FREM3: variants seen among roughly 807,000 people sequenced by gnomAD.
The protein encoded by FREM3 is FRAS1 related extracellular matrix 3.
Under a neutral mutation model 129.1 loss-of-function variants are expected in FREM3, and 105 were observed. The observed-to-expected ratio is 0.81, with a 90% CI of 0.69 to 0.96. The LOEUF (loss-of-function observed/expected upper bound fraction) is 0.96, where lower values mean the gene tolerates loss of function less well. Ranked by LOEUF, FREM3 falls within the 40% of genes least tolerant of loss-of-function variation. FREM3 has a pLI of 0.00. For synonymous variants in FREM3, 1,014 were observed against 1,044.9 expected (o/e 0.97, Z 0.57); for missense variants, 2,593 against 2,666.3 (o/e 0.97, Z 0.61).
Position 143,695,776 on chromosome 4 carries a change from C to T in FREM3, c.4900G>A (p.Val1634Ile), listed in dbSNP as rs1280477114. 1 of 1,537,262 alleles carries T rather than the reference C, an allele frequency of 6.5e-7. No individual in the cohort carries two copies. The highest frequency in any genetic ancestry group is 2.0e-5 in the Admixed American group (1 of 51,002). Residue 1634 changes from valine (V) to isoleucine (I), a missense_variant, in exon 1 of 8, where the codon GTC becomes ATC. By Grantham distance (29) the Val-to-Ile change is conservative. This residue lies in a region of FREM3 where 2,276 missense variants were observed against 2,267.2 expected (regional missense o/e 1.00). Coordinates refer to ENST00000329798, the MANE Select transcript of FREM3 (RefSeq NM_001168235.2). ...VTDGTHTDFYVLPDTALATHK... is the reference protein window; with the variant it reads ...VTDGTHTDFYILPDTALATHK... ...GTCGCCAGGGCAGTGTCTGGTAGGA[C>T]ATAGAAATCAGTGTGAGTGCCGTCT...
chr4:143,677,599 A>T (rs1250894223), intron 2 of FREM3, among the ~76,000 whole-genome samples: 5 of 152,260 alleles, frequency 3.3e-5, no homozygotes, highest in Admixed American at 6.5e-5. Flanking sequence ...CGTCAGAGTG[A>T]ACAGGCAACC....
intron 2 of FREM3, among the ~76,000 whole-genome samples, chr4:143,671,570 T>C (rs985645274): frequency 6.6e-6 from 1 of 152,196 alleles, no homozygotes; most frequent in South Asian, 2.1e-4. Flanking sequence ...AAAACTTTTG[T>C]TTTTTGACTT....
intron 6 of FREM3, among the ~76,000 whole-genome samples, chr4:143,607,575 G>C (rs927299631): frequency 6.6e-6 from 1 of 152,138 alleles, no homozygotes; most frequent in Non-Finnish European, 1.5e-5. Context: ...GTTAGGTTGA[G>C]AATCCTTGAC....
At position 143,699,437 on chromosome 4, in the gene FREM3, GCCGTCT is replaced by G. The variant is rs1560878853; in HGVS notation, c.1233_1238del (p.Asp412_Gly413del). On this transcript the variant is annotated inframe_deletion, in exon 1 of 8. Transcript: ENST00000329798. This position sits in a 1 kb window ranked among gnomAD's most constrained non-coding sequence, Gnocchi z 4.2. ...TGAAGGCAAAGGGGTCTGAGGCGGC[GCCGTCT>G]CCGTCCACCACCTCCAGCTCCAGCT... 1 of 1,537,282 alleles carries G rather than the reference GCCGTCT, an allele frequency of 6.5e-7. No homozygotes were observed. The highest frequency in any genetic ancestry group is 1.2e-5 in the South Asian group (1 of 84,066).
In FREM3 at chr4:143,699,440, G is replaced by C; in HGVS notation, c.1236C>G (p.Asp412Glu). 1.3e-6 allele frequency: 2 copies of C among 1,537,286 alleles called. No individual in the cohort carries two copies. The highest frequency in any genetic ancestry group is 1.7e-6 in the Non-Finnish European group (2 of 1,146,926). ...FQLELEVVDGDGAASDPFAFM... is the reference protein window; with the variant it reads ...FQLELEVVDGEGAASDPFAFM... The stretch of plus-strand genomic sequence containing the variant: ...AGGCAAAGGGGTCTGAGGCGGCGCC[G>C]TCTCCGTCCACCACCTCCAGCTCCA... The change falls in exon 1 of 8, where the codon GAC becomes GAG. Residue 412 changes from aspartate (D) to glutamate (E), a missense_variant. By Grantham distance (45) the Asp-to-Glu change is conservative. This residue lies in a region of FREM3 where 2,276 missense variants were observed against 2,267.2 expected (regional missense o/e 1.00). Transcript: ENST00000329798. This position sits in a 1 kb window ranked among gnomAD's most constrained non-coding sequence, Gnocchi z 4.2.
chr4:143,605,841 T>TAC (rs1738659508), intron 6 of FREM3, among the ~76,000 whole-genome samples: 1 of 152,212 alleles, frequency 6.6e-6, no homozygotes, highest in Non-Finnish European at 1.5e-5. Flanking sequence ...ATTTACTTAC[T>TAC]ACTTCGTAAA....
chr4:143,587,252 T>C (rs548405559), intron 6 of FREM3, among the ~76,000 whole-genome samples: 1 of 152,278 alleles, frequency 6.6e-6, no homozygotes, highest in Middle Eastern at 3.4e-3. Context: ...TAAGACTTTA[T>C]TGATAAAGAG....
chr4:143,659,076 TTTATTATTTTTATTTA>T (rs1377550138), intron 2 of FREM3, among the ~76,000 whole-genome samples: 8 of 112,636 alleles, frequency 7.1e-5, no homozygotes, highest in Non-Finnish European at 1.1e-4. Flanking sequence ...CTTTATTTTA[TTTATTATTTTTATTTA>T]TTATTATTAT....
intron 6 of FREM3, among the ~76,000 whole-genome samples, chr4:143,586,481 A>G (rs1458930108): frequency 6.6e-6 from 1 of 152,094 alleles, no homozygotes; most frequent in Non-Finnish European, 1.5e-5. Context: ...ACAGGGACAG[A>G]TGGAAATCCT....
chr4:143,657,991 A>G lies in FREM3; in HGVS notation c.5276-30231T>C, dbSNP rs1433335790. On this transcript the variant is annotated intron_variant, in intron 2 of 7. Transcript: ENST00000329798. ...CCACATTTATTTAATAAAAAAATCAATCCACTTCTCTCCACCCTTATTGCC... is the reference window on the plus strand; with the variant it reads ...CCACATTTATTTAATAAAAAAATCAGTCCACTTCTCTCCACCCTTATTGCC... Among the ~76,000 whole-genome samples the G allele has an allele frequency of 2.6e-5, 4 of 152,292 alleles. No individual in the cohort carries two copies. The East Asian group carries it at 5.8e-4, about 22-fold the overall frequency.
In FREM3 at chr4:143,698,062, G is replaced by A. The variant is rs1354008339; in HGVS notation, c.2614C>T (p.Pro872Ser). 2.6e-6 allele frequency: 4 copies of A among 1,537,216 alleles called. No homozygotes were observed. In the South Asian group the frequency reaches 3.6e-5, roughly 14 times the overall value. Reference sequence around the variant, plus strand: ...AAGTACTGCAAGTGTCCATGTTGGGGACCCCGGACTAATATGAAGACAATT... The same window carrying A: ...AAGTACTGCAAGTGTCCATGTTGGGAACCCCGGACTAATATGAAGACAATT... ...DQIVFILVRG[P>S]QHGHLQYFKR... Residue 872 changes from proline (P) to serine (S), a missense_variant, in exon 1 of 8, where the codon CCC (proline) becomes TCC (serine). Physicochemically the swap from Pro to Ser is moderately conservative, Grantham distance 74. Coordinates refer to ENST00000329798, the MANE Select transcript of FREM3 (RefSeq NM_001168235.2).
Position 143,696,471 on chromosome 4 carries a change from T to G in FREM3, c.4205A>C (p.Asp1402Ala). 1 of 1,537,702 alleles carries G rather than the reference T, an allele frequency of 6.5e-7. No homozygotes were observed. Among genetic ancestry groups the G allele is most frequent in the Non-Finnish European group, 8.7e-7 (1 of 1,147,010 alleles). ...CAAAGTGTTAACCCCATCAGTAACA[T>G]CAAACTTGATAATGTCAACAATCCC... ...QEGIVDIIKF[D>A]VTDGVNTLTD... Residue 1402 changes from aspartate to alanine, a missense_variant, in exon 1 of 8, where the codon GAT (aspartate) becomes GCT (alanine). Around this residue, in one of 2 missense-constraint regions of FREM3, gnomAD observed 2,276 missense variants for 2,267.2 expected, o/e 1.00. Coordinates refer to ENST00000329798, the MANE Select transcript of FREM3 (RefSeq NM_001168235.2).
chr4:143,587,701 G>T (rs1293578654), intron 6 of FREM3, among the ~76,000 whole-genome samples: 1 of 152,036 alleles, frequency 6.6e-6, no homozygotes, highest in Non-Finnish European at 1.5e-5. Context: ...AGTACTCTTT[G>T]GTTTTGGAAG....
At position 143,629,076 on chromosome 4, in the gene FREM3, C is replaced by T. The variant is rs563560721; in HGVS notation, c.5276-1316G>A. 4.6e-5 allele frequency among the ~76,000 whole-genome samples: 7 copies of T among 152,182 alleles called. No homozygotes were observed. In the East Asian group the frequency reaches 1.4e-3, roughly 30 times the overall value. ...GCACAGGCGGTAAGAGACAAGGAGG[C>T]TCTAAAGATAGGAATCTTCAAGGAA... On this transcript the variant is annotated intron_variant, in intron 2 of 7. Transcript: ENST00000329798.
intron 2 of FREM3, among the ~76,000 whole-genome samples, chr4:143,654,664 T>TATATAAAAA (rs1314026729): frequency 6.6e-6 from 1 of 152,210 alleles, no homozygotes; most frequent in Non-Finnish European, 1.5e-5. Context: ...TAAATGTGTT[T>TATATAAAAA]TATATATTTT....
At chr4:143,661,636 A>G (rs1174141499) in intron 2 of FREM3, among the ~76,000 whole-genome samples, 2 of 151,890 alleles carry the variant, frequency 1.3e-5, no homozygotes, top group South Asian at 2.1e-4. Flanking sequence ...CTCTTTTTCT[A>G]TTGATTGGAA....
At chr4:143,602,825 A>G (rs1340599170) in intron 6 of FREM3, among the ~76,000 whole-genome samples, 4 of 152,204 alleles carry the variant, frequency 2.6e-5, no homozygotes, top group Non-Finnish European at 5.9e-5. Context: ...CATGAAACCT[A>G]GAGAAGAGCA....
chr4:143,684,422 C>T (rs906645441), intron 2 of FREM3, among the ~76,000 whole-genome samples: 9 of 152,234 alleles, frequency 5.9e-5, no homozygotes, highest in South Asian at 2.1e-4. Context: ...CACTGTAGTT[C>T]GGCTCACAGA....
chr4:143,632,669 T>C (rs955482777), intron 2 of FREM3, among the ~76,000 whole-genome samples: 2 of 152,138 alleles, frequency 1.3e-5, no homozygotes, highest in African/African-American at 4.8e-5. Context: ...TCCCTGTCCA[T>C]ATTTGGAGGA....
Sources: allele counts gnomAD v4.1 joint callset (sites outside exome capture counted in the v4.1 genomes callset), GRCh38; gene constraint gnomAD v4.1.1; regional missense constraint gnomAD v4.1.1; non-coding constraint Gnocchi (gnomAD v3.1); transcripts MANE v1.5; gene names NCBI Gene and HGNC (gene_info 2026-07-23, HGNC 2026-07-21).